Variants in CMIP observed in about 807,000 individuals in gnomAD.
CMIP encodes the protein C-Maf-inducing protein.
CMIP carries 13 observed loss-of-function variants against 97.3 expected under a neutral mutation model. That is an observed-to-expected ratio of 0.13 (90% confidence interval 0.09 to 0.21). CMIP has a LOEUF of 0.21. CMIP is among the 10% of genes least tolerant of loss of function. CMIP has a pLI of 1.00. For synonymous variants in CMIP, 538 were observed against 436.3 expected (o/e 1.23, Z -2.91); for missense variants, 847 against 1,024.9 (o/e 0.83, Z 2.37).
chr16:81,646,308 G>A (rs1250929261), intron 3 of CMIP, among the ~76,000 whole-genome samples: 1 of 152,056 alleles, frequency 6.6e-6, no homozygotes, highest in African/African-American at 2.4e-5. Context: ...GGATGGATGT[G>A]TGGGTGAATG....
At chr16:81,663,579 A>T (rs549372295) in intron 6 of CMIP, among the ~76,000 whole-genome samples, 1 of 152,332 alleles carries the variant, frequency 6.6e-6, no homozygotes, top group African/African-American at 2.4e-5. Context: ...CATTTGTCTA[A>T]ACACCCAGAG....
intron 1 of CMIP, among the ~76,000 whole-genome samples, chr16:81,509,916 C>T (rs141430388): frequency 2.0e-5 from 3 of 152,282 alleles, no homozygotes; most frequent in South Asian, 2.1e-4. Context: ...GCTGGGGGCC[C>T]CTTTGTCAGG....
At chr16:81,702,792 C>G in intron 17 of CMIP, 123 bp downstream of exon 17, 1 of 823,086 alleles carries the variant, frequency 1.2e-6, no homozygotes, top group African/African-American at 1.7e-5. Flanking sequence ...CACAAGGACC[C>G]CCTAGTACTT....
chr16:81,496,246 A>G (rs1202106343), intron 1 of CMIP, among the ~76,000 whole-genome samples: 2 of 152,204 alleles, frequency 1.3e-5, no homozygotes, highest in Admixed American at 1.3e-4. Flanking sequence ...AAATTGCTAC[A>G]TTTAGTTAAT....
chr16:81,559,782 A>G (rs1350428992), intron 1 of CMIP, among the ~76,000 whole-genome samples: 1 of 152,132 alleles, frequency 6.6e-6, no homozygotes, highest in Non-Finnish European at 1.5e-5. Context: ...ATTTTGTGGT[A>G]TACTCCTTCT....
intron 10 of CMIP, 106 bp from the exon 11 acceptor site, chr16:81,691,669 A>G (rs954538310): frequency 1.9e-5 from 16 of 838,166 alleles, no homozygotes; most frequent in Non-Finnish European, 2.8e-5. Flanking sequence ...GCCACTGACT[A>G]CCTGCCAGGC....
chr16:81,467,140 G>A (rs944982968), intron 1 of CMIP, among the ~76,000 whole-genome samples: 2 of 152,192 alleles, frequency 1.3e-5, no homozygotes, highest in East Asian at 3.9e-4. Context: ...CTTAGGCGAG[G>A]TTGTGTGATG....
chr16:81,465,752 C>G (rs1264396559), intron 1 of CMIP, among the ~76,000 whole-genome samples: 8 of 152,218 alleles, frequency 5.3e-5, no homozygotes, highest in African/African-American at 1.9e-4. Flanking sequence ...GCTGTCCTTG[C>G]TGTCACCTGT....
At chr16:81,641,378 C>G (rs1373804708) in intron 3 of CMIP, among the ~76,000 whole-genome samples, 1 of 152,018 alleles carries the variant, frequency 6.6e-6, no homozygotes, top group African/African-American at 2.4e-5. Flanking sequence ...TCCCTGCTCC[C>G]AAGCAGCTCC....
intron 9 of CMIP, among the ~76,000 whole-genome samples, chr16:81,673,068 C>A (rs567894062): frequency 6.6e-6 from 1 of 152,068 alleles, no homozygotes. Context: ...AGCAAGTGAC[C>A]GGAAGAGGTG....
At chr16:81,699,187 G>A (rs1359402193) in intron 14 of CMIP, among the ~76,000 whole-genome samples, 2 of 152,192 alleles carry the variant, frequency 1.3e-5, no homozygotes, top group Admixed American at 1.3e-4. Flanking sequence ...CCAAGCGGCA[G>A]AGGTTGCAGT....
At chr16:81,612,006 A>C (rs1435927064) in intron 2 of CMIP, among the ~76,000 whole-genome samples, 1 of 152,156 alleles carries the variant, frequency 6.6e-6, no homozygotes, top group African/African-American at 2.4e-5. Flanking sequence ...CTGCCATGTT[A>C]TTAGAATCCC....
intron 1 of CMIP, among the ~76,000 whole-genome samples, chr16:81,598,161 C>T (rs1250893876): frequency 1.3e-5 from 2 of 151,984 alleles, no homozygotes; most frequent in Non-Finnish European, 2.9e-5. Context: ...AACTGGCACA[C>T]GCTAGAGAAG....
chr16:81,670,297 G>T (rs9921880), intron 8 of CMIP, 52 bp downstream of exon 8: 100,113 of 1,547,270 alleles, frequency 0.065, 6,107 homozygotes, highest in African/African-American at 0.32. Flanking sequence ...CTTTCCTCTC[G>T]GATCCTGTTT....
chr16:81,706,889 C>A, intron 19 of CMIP, 125 bp from the exon 20 acceptor site: 1 of 762,218 alleles, frequency 1.3e-6, no homozygotes. Flanking sequence ...CGAAACCTCC[C>A]TCCCCAGCCC....
At chr16:81,643,600 G>A (rs943418779) in intron 3 of CMIP, among the ~76,000 whole-genome samples, 14 of 152,088 alleles carry the variant, frequency 9.2e-5, no homozygotes, top group African/African-American at 3.4e-4. Context: ...GACCAGCCTG[G>A]CCAACATGGT....
chr16:81,546,778 G>T (rs1019590554), intron 1 of CMIP, among the ~76,000 whole-genome samples: 1 of 152,210 alleles, frequency 6.6e-6, no homozygotes, highest in African/African-American at 2.4e-5. Flanking sequence ...CTCTAGACCT[G>T]TGCTGGCTGG....
intron 1 of CMIP, among the ~76,000 whole-genome samples, chr16:81,598,968 CA>C (rs141717317): frequency 0.019 from 930 of 49,812 alleles, 7 homozygotes; most frequent in African/African-American, 0.046. Flanking sequence ...GACTCTGTCT[CA>C]AAAAAAAAAA....
At chr16:81,670,857 C>A (rs2151041398) in intron 8 of CMIP, among the ~76,000 whole-genome samples, 1 of 152,238 alleles carries the variant, frequency 6.6e-6, no homozygotes, top group Admixed American at 6.5e-5. Context: ...GAGATGGAGT[C>A]TCGCTCTGTC....
Sources: gnomAD v4.1 joint callset for allele counts (sites outside exome capture counted in the v4.1 genomes callset) on GRCh38, gnomAD v4.1.1 for gene constraint, MANE v1.5 for transcripts, NCBI Gene and HGNC (gene_info 2026-07-23, HGNC 2026-07-21) for gene names.